The following DOK6 variants were observed in gnomAD, a reference collection of about 807,000 sequenced individuals.
DOK6 encodes the protein downstream of tyrosine kinase 6.
A neutral mutation model predicts 44.0 loss-of-function variants in DOK6; 22 were observed. The ratio of observed to expected loss-of-function variants is 0.50; its 90% CI spans 0.36 to 0.71. The LOEUF is 0.71. Ranked by LOEUF, DOK6 falls within the 30% of genes least tolerant of loss-of-function variation. DOK6 has a pLI of 0.00. For missense variants in DOK6, 340 were observed against 416.4 expected (o/e 0.82, Z 1.60); for synonymous variants, 166 against 145.5 (o/e 1.14, Z -1.01).
At chr18:69,633,655 A>G (rs370521310) in intron 3 of DOK6, among the ~76,000 whole-genome samples, 3 of 152,284 alleles carry the variant, frequency 2.0e-5, no homozygotes, top group African/African-American at 7.2e-5. Context: ...AACCTATCTA[A>G]ATACATTTTA....
At chr18:69,805,215 A>G (rs1306983834) in intron 7 of DOK6, among the ~76,000 whole-genome samples, 1 of 152,210 alleles carries the variant, frequency 6.6e-6, no homozygotes, top group African/African-American at 2.4e-5. Context: ...AGAGGCAAAC[A>G]TACTGTTGAG....
chr18:69,551,323 A>G (rs534971872), intron 1 of DOK6, among the ~76,000 whole-genome samples: 20 of 152,342 alleles, frequency 1.3e-4, no homozygotes, highest in African/African-American at 4.8e-4. Flanking sequence ...CACTGACTTA[A>G]TATTTTTGTA....
At chr18:69,775,618 T>C (rs1448293413) in intron 7 of DOK6, among the ~76,000 whole-genome samples, 1 of 150,840 alleles carries the variant, frequency 6.6e-6, no homozygotes, top group African/African-American at 2.4e-5. Flanking sequence ...AGAGAAAATA[T>C]AGAAAGAAAA....
chr18:69,660,752 C>T (rs1290243151), intron 3 of DOK6: 1 of 150,732 alleles, frequency 6.6e-6, no homozygotes, highest in Non-Finnish European at 1.5e-5. Flanking sequence ...CTCACTGCAA[C>T]CTCCGCCTCC....
rs532503150 is a variant in DOK6 at position 69,641,532 on chromosome 18, T to A, written c.290-36202T>A. Among the ~76,000 whole-genome samples the A allele has an allele frequency of 6.9e-4, 105 of 152,332 alleles. 1 individual carries two copies. Among genetic ancestry groups the A allele is most frequent in the Admixed American group, 4.2e-3 (65 of 15,302 alleles). On this transcript the variant is annotated intron_variant, in intron 3 of 7. Coordinates refer to ENST00000382713, the MANE Select transcript of DOK6 (RefSeq NM_152721.6). ...GAATTTACATTTTTAAAGAAGCAGA[T>A]GCTTAAACTGTGACAATAATTTAAG...
chr18:69,810,890 G>A (rs1981202575), intron 7 of DOK6, among the ~76,000 whole-genome samples: 1 of 152,020 alleles, frequency 6.6e-6, no homozygotes, highest in Admixed American at 6.6e-5. Context: ...AAACAGTATG[G>A]AGGTCATTCA....
intron 5 of DOK6, among the ~76,000 whole-genome samples, chr18:69,726,218 G>A (rs1599288746): frequency 6.6e-6 from 1 of 152,094 alleles, no homozygotes; most frequent in East Asian, 1.9e-4. Context: ...TCGCTTCTTT[G>A]GCCTTTTTCT....
intron 6 of DOK6, among the ~76,000 whole-genome samples, chr18:69,757,306 G>A (rs2144754050): frequency 6.6e-6 from 1 of 152,278 alleles, no homozygotes; most frequent in South Asian, 2.1e-4. Flanking sequence ...ATAATAACGG[G>A]TATTCTGTAA....
At chr18:69,497,998 G>GAA (rs111915498) in intron 1 of DOK6, among the ~76,000 whole-genome samples, 1 of 149,906 alleles carries the variant, frequency 6.7e-6, no homozygotes, top group African/African-American at 2.5e-5. Context: ...TCCAAAAAAA[G>GAA]AAAAAAAAAG....
intron 7 of DOK6, among the ~76,000 whole-genome samples, chr18:69,839,020 AACTCCTCCCCTAGCTCC>A (rs1238632406): frequency 1.4e-5 from 2 of 143,780 alleles, no homozygotes; most frequent in Non-Finnish European, 3.0e-5. Flanking sequence ...ATGTTCTCCT[AACTCCTCCCCTAGCTCC>A]ACTCCTAGTC....
rs1025434780 is a variant in DOK6 at position 69,842,894 on chromosome 18, G to T, written c.*1511G>T. The T allele has an allele frequency of 4.7e-5, 7 of 149,490 alleles. No individual in the cohort carries two copies. The highest frequency in any genetic ancestry group is 1.7e-4 in the African/African-American group (7 of 40,726). 9.3% of individuals were successfully genotyped at this position (149,490 alleles called of 1,614,324 possible). A position where few individuals can be genotyped will look rare whatever the true frequency, so the allele number is the denominator to read the frequency against. Reference sequence around the variant, plus strand: ...CAGGTCACGCAAGATGAAAACCCAGGTTTTTTTTTTCTTAATAGGAAAATT... The same window carrying T: ...CAGGTCACGCAAGATGAAAACCCAGTTTTTTTTTTTCTTAATAGGAAAATT... On this transcript the variant is annotated 3_prime_UTR_variant, in exon 8 of 8. Transcript: ENST00000382713.
In DOK6 at chr18:69,611,949, T is replaced by TAC. The variant is rs56185499; in HGVS notation, c.289+12468_289+12469dup. On this transcript the variant is annotated intron_variant, in intron 3 of 7. Coordinates refer to ENST00000382713, the MANE Select transcript of DOK6 (RefSeq NM_152721.6). ...CACAAGTGATTAATTATATAAAACT[T>TAC]ACACACACACACACACACGTATAAG... is the stretch of plus-strand genomic sequence containing the variant. Among the ~76,000 whole-genome samples the TAC allele has an allele frequency of 9.0e-3, 1,356 of 150,104 alleles. 13 individuals are homozygous for TAC. The highest frequency in any genetic ancestry group is 6.3e-3 in the Non-Finnish European group (425 of 67,642).
rs552781649 is a variant in DOK6, at chr18:69,414,961, T to A, written c.66+13651T>A. The stretch of plus-strand genomic sequence containing the variant: ...AGAATCAACTGAGGGATTTAATTAA[T>A]AACTTGTCAATTATGAATTTTGTAA... On this transcript the variant is annotated intron_variant, in intron 1 of 7. Coordinates refer to ENST00000382713, the MANE Select transcript of DOK6 (RefSeq NM_152721.6). Among the ~76,000 whole-genome samples, 27 of 152,240 alleles carry A rather than the reference T, an allele frequency of 1.8e-4. 1 individual carries two copies. The South Asian group carries it at 5.4e-3, about 30-fold the overall frequency.
chr18:69,806,818 G>C (rs572681962), intron 7 of DOK6, among the ~76,000 whole-genome samples: 2 of 151,966 alleles, frequency 1.3e-5, no homozygotes, highest in South Asian at 4.2e-4. Context: ...TGACTGTTAC[G>C]TCTACAAATT....
chr18:69,510,344 C>T (rs1981331075), intron 1 of DOK6, among the ~76,000 whole-genome samples: 1 of 152,150 alleles, frequency 6.6e-6, no homozygotes, highest in African/African-American at 2.4e-5. Flanking sequence ...CATCTTCAAT[C>T]ACTTACCAGG....
intron 1 of DOK6, among the ~76,000 whole-genome samples, chr18:69,521,423 A>G (rs1014408086): frequency 5.4e-5 from 8 of 148,668 alleles, no homozygotes; most frequent in Non-Finnish European, 1.0e-4. Flanking sequence ...GCTGCATCCA[A>G]TGCCTTAAAT....
intron 7 of DOK6, among the ~76,000 whole-genome samples, chr18:69,836,939 A>G (rs1188441790): frequency 2.0e-5 from 3 of 152,228 alleles, no homozygotes; most frequent in Admixed American, 2.0e-4. Flanking sequence ...CTTCATATAT[A>G]GAGTACTGAC....
intron 7 of DOK6, among the ~76,000 whole-genome samples, chr18:69,792,852 C>G (rs1280537001): frequency 6.6e-6 from 1 of 151,930 alleles, no homozygotes; most frequent in Non-Finnish European, 1.5e-5. Flanking sequence ...CTAAATCGTC[C>G]TTCAGGAGAT....
At chr18:69,712,268 G>A (rs1258200046) in intron 5 of DOK6, among the ~76,000 whole-genome samples, 7 of 95,016 alleles carry the variant, frequency 7.4e-5, no homozygotes, top group Admixed American at 1.6e-4. Context: ...GCGACAGAGC[G>A]AGACTCCGTC....
Sources: allele counts gnomAD v4.1 joint callset (sites outside exome capture counted in the v4.1 genomes callset), GRCh38; gene constraint gnomAD v4.1.1; transcripts MANE v1.5; gene names NCBI Gene and HGNC (gene_info 2026-07-23, HGNC 2026-07-21).